ACER3: variants seen among roughly 807,000 people sequenced by gnomAD.
ACER3 encodes alkaline ceramidase 3.
Under a neutral mutation model 48.9 loss-of-function variants are expected in ACER3, and 16 were observed. The observed-to-expected ratio is 0.33, with a 90% confidence interval of 0.22 to 0.50. The LOEUF is 0.50. Among genes scored for constraint, ACER3 ranks in the 20% least tolerant of loss-of-function variants. The pLI, the probability that ACER3 is intolerant of heterozygous loss-of-function variation, is 0.98. For synonymous variants in ACER3, 109 were observed against 107.8 expected (o/e 1.01, Z -0.07); for missense variants, 227 against 326.0 (o/e 0.70, Z 2.34).
chr11:76,953,256 C>A (rs1206877163), intron 2 of ACER3, among the ~76,000 whole-genome samples: 2 of 152,154 alleles, frequency 1.3e-5, no homozygotes, highest in Non-Finnish European at 2.9e-5. Context: ...GATGCACACA[C>A]TGCAGGGAAT....
chr11:77,024,717 G>A lies in ACER3; in HGVS notation c.*4390G>A, dbSNP rs183845487. 10 of 152,262 alleles carry A rather than the reference G, an allele frequency of 6.6e-5. No homozygotes were observed. The highest frequency in any genetic ancestry group is 2.4e-4 in the African/African-American group (10 of 41,526). The allele number at this position is 152,262 out of a possible 1,614,324, so 9.4% of individuals were successfully genotyped here. ...GCCATTTTGGAGGAAAGCTAAGCAG[G>A]TTCTGACCACCCATTTTCATGTACT... On this transcript the variant is annotated 3_prime_UTR_variant, in exon 11 of 11. Coordinates refer to ENST00000532485, the MANE Select transcript of ACER3 (RefSeq NM_018367.7).
chr11:76,920,461 C>G (rs1590932628), intron 1 of ACER3, among the ~76,000 whole-genome samples: 1 of 152,124 alleles, frequency 6.6e-6, no homozygotes, highest in Admixed American at 6.5e-5. Context: ...GGGGAAACCT[C>G]TTTTTTAATG....
chr11:76,958,425 G>A (rs1455411014), intron 2 of ACER3, among the ~76,000 whole-genome samples: 2 of 151,776 alleles, frequency 1.3e-5, no homozygotes, highest in Non-Finnish European at 2.9e-5. Flanking sequence ...GACCTTAGAT[G>A]GTCCACCCAC....
chr11:76,971,361 G>A (rs889019059), intron 3 of ACER3, among the ~76,000 whole-genome samples: 1 of 152,030 alleles, frequency 6.6e-6, no homozygotes. Flanking sequence ...CCAACATGGT[G>A]AAACCCCGTC....
chr11:76,996,026 C>T (rs1482968629), intron 6 of ACER3, among the ~76,000 whole-genome samples: 2 of 152,068 alleles, frequency 1.3e-5, no homozygotes, highest in African/African-American at 4.8e-5. Context: ...GAAGTGAACT[C>T]ACTACTTTTC....
At chr11:77,015,893 G>A (rs1555023200) in intron 8 of ACER3, among the ~76,000 whole-genome samples, 1 of 152,128 alleles carries the variant, frequency 6.6e-6, no homozygotes, top group African/African-American at 2.4e-5. Context: ...GATCACTTGA[G>A]GTCAGGAGTT....
In ACER3 at chr11:77,022,868, CAAAAAAAAAAAAAA is replaced by C. The variant is rs10565723; in HGVS notation, c.*2552_*2565del. On this transcript the variant is annotated 3_prime_UTR_variant, in exon 11 of 11. Transcript: ENST00000532485. ...ATGGTGGCAGAGCGAGACTCCGTCT[CAAAAAAAAAAAAAA>C]AAAAAAAAAAGAAAAGAAAAGAAAA... The C allele has an allele frequency of 7.8e-4, 219 of 280,624 alleles. No homozygotes were observed. The highest frequency in any genetic ancestry group is 1.0e-3 in the East Asian group (18 of 17,306). The allele number at this position is 280,624 out of a possible 1,614,324, so 17.4% of individuals were successfully genotyped here.
chr11:76,924,655 T>C (rs1946770171), intron 1 of ACER3, among the ~76,000 whole-genome samples: 1 of 152,150 alleles, frequency 6.6e-6, no homozygotes, highest in Non-Finnish European at 1.5e-5. Context: ...CATCCCTGCT[T>C]TCCCCACTAT....
chr11:77,019,226 C>G lies in ACER3; in HGVS notation c.705-505C>G, dbSNP rs182197974. Reference sequence around the variant, plus strand: ...CTGTAATCCCAGCACTTTGGGAGGCCGAGGCGGGTGGATCACAAGGTCTGG... The same window carrying G: ...CTGTAATCCCAGCACTTTGGGAGGCGGAGGCGGGTGGATCACAAGGTCTGG... On this transcript the variant is annotated intron_variant, in intron 9 of 10. Coordinates refer to ENST00000532485, the MANE Select transcript of ACER3 (RefSeq NM_018367.7). 5.6e-4 allele frequency among the ~76,000 whole-genome samples: 85 copies of G among 152,216 alleles called. No homozygotes were observed. In the Middle Eastern group the frequency reaches 0.014, roughly 24 times the overall value.
intron 9 of ACER3, among the ~76,000 whole-genome samples, chr11:77,018,509 T>A (rs1949414728): frequency 6.6e-6 from 1 of 152,102 alleles, no homozygotes; most frequent in Admixed American, 6.5e-5. Context: ...AAGCTAGAAA[T>A]GATTAAGCTT....
chr11:76,881,383 T>A (rs1015110861), intron 1 of ACER3, among the ~76,000 whole-genome samples: 5 of 152,300 alleles, frequency 3.3e-5, no homozygotes, highest in African/African-American at 1.2e-4. Flanking sequence ...ATTATTGTAA[T>A]TATACTAGCT....
At chr11:76,929,732 G>A (rs1946942154) in intron 2 of ACER3, among the ~76,000 whole-genome samples, 3 of 152,084 alleles carry the variant, frequency 2.0e-5, no homozygotes, top group Non-Finnish European at 4.4e-5. Context: ...ATAACCATGT[G>A]GTTTTTGTCT....
chr11:76,868,299 A>G (rs932917320), intron 1 of ACER3: 19 of 1,271,334 alleles, frequency 1.5e-5, no homozygotes, highest in African/African-American at 9.3e-5. Context: ...TTATAACTCA[A>G]AAGTTCATAA....
At chr11:76,938,629 A>G (rs901651184) in intron 2 of ACER3, among the ~76,000 whole-genome samples, 16 of 152,154 alleles carry the variant, frequency 1.1e-4, no homozygotes, top group Non-Finnish European at 1.6e-4. Flanking sequence ...TTGAAAACCT[A>G]TATTGATATT....
chr11:76,985,384 T>C (rs527886703), intron 4 of ACER3, among the ~76,000 whole-genome samples: 4 of 152,332 alleles, frequency 2.6e-5, no homozygotes, highest in Admixed American at 2.6e-4. Flanking sequence ...CTCTCTATAC[T>C]GAATTGATTC....
chr11:76,959,216 A>C, intron 3 of ACER3, 185 bp downstream of exon 3: 1 of 1,475,864 alleles, frequency 6.8e-7, no homozygotes, highest in South Asian at 1.3e-5. Flanking sequence ...TCCATAAGGA[A>C]AACAAGTACA....
At chr11:76,969,079 A>G (rs1333608573) in intron 3 of ACER3, among the ~76,000 whole-genome samples, 2 of 152,192 alleles carry the variant, frequency 1.3e-5, no homozygotes, top group African/African-American at 2.4e-5. Context: ...TCTACAATGA[A>G]CTCAAACAAA....
At chr11:76,995,918 T>C (rs2081012512) in intron 6 of ACER3, among the ~76,000 whole-genome samples, 1 of 152,224 alleles carries the variant, frequency 6.6e-6, no homozygotes, top group South Asian at 2.1e-4. Flanking sequence ...TTTCTTCAGC[T>C]GTGATTTTTC....
At chr11:76,925,464 T>C (rs149933132) in intron 1 of ACER3, among the ~76,000 whole-genome samples, 1,848 of 152,346 alleles carry the variant, frequency 0.012, 24 homozygotes, top group Non-Finnish European at 0.021. Flanking sequence ...CAAATGCCCA[T>C]TGGCATTTTT....
Sources: gnomAD v4.1 joint callset for allele counts (sites outside exome capture counted in the v4.1 genomes callset) on GRCh38, gnomAD v4.1.1 for gene constraint, MANE v1.5 for transcripts, NCBI Gene and HGNC (gene_info 2026-07-23, HGNC 2026-07-21) for gene names.